The following RBFOX1 variants were observed in gnomAD, a reference collection of about 807,000 sequenced individuals.
RBFOX1 encodes the protein RNA binding fox-1 homolog 1, also known as RNA binding protein fox-1 homolog 1.
In RBFOX1, 8 loss-of-function variants were observed where a neutral mutation model predicts 57.7. The ratio of observed to expected loss-of-function variants is 0.14; its 90% CI spans 0.08 to 0.25. RBFOX1 has a LOEUF of 0.25. Ranked by LOEUF, RBFOX1 falls within the 10% of genes least tolerant of loss-of-function variation. The probability of loss-of-function intolerance (pLI) is 1.00; values close to 1 mark genes in which losing one functional copy is unlikely to be tolerated. For synonymous variants in RBFOX1, 326 were observed against 222.4 expected, an observed-to-expected ratio of 1.47 and a Z score of -4.15; for missense variants, 611 against 548.5, an observed-to-expected ratio of 1.11 and a Z score of -1.14.
intron 3 of RBFOX1, among the ~76,000 whole-genome samples, chr16:6,904,650 C>T (rs1281880443): frequency 7.5e-6 from 1 of 133,546 alleles, no homozygotes; most frequent in South Asian, 2.8e-4. Flanking sequence ...AAGAAAAATT[C>T]ATACATCTTG....
intron 12 of RBFOX1, among the ~76,000 whole-genome samples, chr16:7,659,874 T>C (rs145720263): frequency 8.5e-5 from 13 of 152,328 alleles, no homozygotes; most frequent in African/African-American, 3.1e-4. Flanking sequence ...TTTTCACAGA[T>C]GCCTTTAATA....
At chr16:6,978,068 C>G (rs1228422200) in intron 3 of RBFOX1, among the ~76,000 whole-genome samples, 1 of 151,794 alleles carries the variant, frequency 6.6e-6, no homozygotes, top group Non-Finnish European at 1.5e-5. Flanking sequence ...CCCCGTACCC[C>G]GCCCCCCTTC....
intron 4 of RBFOX1, among the ~76,000 whole-genome samples, chr16:5,880,587 A>G (rs915585711): frequency 1.3e-5 from 2 of 152,210 alleles, no homozygotes; most frequent in Non-Finnish European, 2.9e-5. Context: ...CTAGGAGGCT[A>G]AAGACCTGCT....
chr16:7,675,328 ATAG>A (rs1468197820), intron 13 of RBFOX1, among the ~76,000 whole-genome samples: 1 of 151,990 alleles, frequency 6.6e-6, no homozygotes, highest in Non-Finnish European at 1.5e-5. Context: ...ATTGGAGAAC[ATAG>A]TATTTGGAAC....
At chr16:7,036,379 C>A (rs1263078135) in intron 3 of RBFOX1, among the ~76,000 whole-genome samples, 2 of 152,094 alleles carry the variant, frequency 1.3e-5, no homozygotes, top group Non-Finnish European at 2.9e-5. Flanking sequence ...GGTCCCAATG[C>A]AGATCCCCAG....
At chr16:5,343,857 T>A (rs1179582167) in intron 1 of RBFOX1, among the ~76,000 whole-genome samples, 4 of 152,222 alleles carry the variant, frequency 2.6e-5, no homozygotes, top group African/African-American at 9.7e-5. Flanking sequence ...TACTAAATAG[T>A]TCACTTAGGA....
chr16:6,552,076 C>G (rs1046601467), intron 2 of RBFOX1, among the ~76,000 whole-genome samples: 1 of 152,158 alleles, frequency 6.6e-6, no homozygotes, highest in Admixed American at 6.5e-5. Flanking sequence ...ACAGGTTATG[C>G]TTTTAGAAAT....
chr16:6,795,946 C>G (rs574961211), intron 3 of RBFOX1, among the ~76,000 whole-genome samples: 1 of 151,948 alleles, frequency 6.6e-6, no homozygotes, highest in Non-Finnish European at 1.5e-5. Context: ...CATTGAGAAA[C>G]ATTGGGATAA....
At chr16:6,936,504 T>A (rs937558854) in intron 3 of RBFOX1, among the ~76,000 whole-genome samples, 1 of 152,160 alleles carries the variant, frequency 6.6e-6, no homozygotes, top group African/African-American at 2.4e-5. Context: ...GACTCCCGAC[T>A]ATGTATCCAG....
At chr16:6,518,789 G>A (rs1399909592) in intron 2 of RBFOX1, among the ~76,000 whole-genome samples, 3 of 81,372 alleles carry the variant, frequency 3.7e-5, no homozygotes, top group East Asian at 3.5e-4. Context: ...CTGTCTGTCT[G>A]TGTGTCTGTC....
chr16:7,248,828 C>G (rs963430202), intron 4 of RBFOX1, among the ~76,000 whole-genome samples: 4 of 152,160 alleles, frequency 2.6e-5, no homozygotes, highest in Admixed American at 1.3e-4. Flanking sequence ...TTTGAGTAAT[C>G]ATTTAGCTGT....
chr16:5,917,439 G>A (rs2058730790), intron 4 of RBFOX1, among the ~76,000 whole-genome samples: 1 of 152,214 alleles, frequency 6.6e-6, no homozygotes, highest in South Asian at 2.1e-4. Context: ...AAACAGAGAG[G>A]TTGAGACGTT....
intron 1 of RBFOX1, among the ~76,000 whole-genome samples, chr16:5,374,102 T>G (rs2065927305): frequency 6.6e-6 from 1 of 152,126 alleles, no homozygotes; most frequent in Non-Finnish European, 1.5e-5. Flanking sequence ...CATGTGCGGC[T>G]AATTTTTGTG....
chr16:6,118,589 C>T (rs780638905), intron 1 of RBFOX1, among the ~76,000 whole-genome samples: 1 of 151,750 alleles, frequency 6.6e-6, no homozygotes, highest in Non-Finnish European at 1.5e-5. Context: ...CTCTCCTTCT[C>T]TCCCTCTCTT....
At chr16:6,638,347 A>G (rs1295406201) in intron 2 of RBFOX1, among the ~76,000 whole-genome samples, 1 of 152,168 alleles carries the variant, frequency 6.6e-6, no homozygotes, top group Non-Finnish European at 1.5e-5. Context: ...GCATGGCAAA[A>G]GAACATACAT....
chr16:7,322,182 C>A (rs1203441368), intron 4 of RBFOX1, among the ~76,000 whole-genome samples: 1 of 152,212 alleles, frequency 6.6e-6, no homozygotes, highest in African/African-American at 2.4e-5. Context: ...GAAGCCATCT[C>A]CTGTTCTGAG....
chr16:6,050,552 T>C (rs747541515), intron 1 of RBFOX1, among the ~76,000 whole-genome samples: 138 of 152,200 alleles, frequency 9.1e-4, no homozygotes, highest in Non-Finnish European at 2.8e-4. Flanking sequence ...TGGTGCTATT[T>C]AATCTCCATG....
At chr16:6,405,658 A>T (rs1204209138) in intron 2 of RBFOX1, among the ~76,000 whole-genome samples, 2 of 152,168 alleles carry the variant, frequency 1.3e-5, no homozygotes, top group Non-Finnish European at 2.9e-5. Context: ...AATGAAAGTG[A>T]ATAGGCATAA....
At chr16:6,693,837 C>T (rs1013617283) in intron 3 of RBFOX1, among the ~76,000 whole-genome samples, 4 of 152,216 alleles carry the variant, frequency 2.6e-5, no homozygotes, top group South Asian at 2.1e-4. Context: ...CCATCACCAC[C>T]ATCATCCTTA....
Sources: gnomAD v4.1 joint callset for allele counts (sites outside exome capture counted in the v4.1 genomes callset) on GRCh38, gnomAD v4.1.1 for gene constraint, MANE v1.5 for transcripts, NCBI Gene and HGNC (gene_info 2026-07-23, HGNC 2026-07-21) for gene names.